Variants in TRAPPC13 observed in about 807,000 individuals in gnomAD.
TRAPPC13 encodes the protein REV7-interacting novel NHEJ regulator 1.
TRAPPC13 carries 39 observed loss-of-function variants against 54.0 expected under a neutral mutation model. That is an observed-to-expected ratio of 0.72 (90% CI 0.56 to 0.94). TRAPPC13 has a LOEUF of 0.94. TRAPPC13 is among the 40% of genes least tolerant of loss of function. The pLI is 0.00. For missense variants in TRAPPC13, 386 were observed against 488.1 expected (o/e 0.79, Z 1.97); for synonymous variants, 148 against 167.7 (o/e 0.88, Z 0.91).
At chr5:65,644,513 G>A (rs1199155847) in intron 4 of TRAPPC13, among the ~76,000 whole-genome samples, 1 of 152,210 alleles carries the variant, frequency 6.6e-6, no homozygotes, top group East Asian at 1.9e-4. Context: ...TGACACATAG[G>A]ACACACAGGA....
rs1015993218 is a variant in TRAPPC13, at chr5:65,650,792, G to A, written c.429-18G>A. The A allele has an allele frequency of 6.2e-7, 1 of 1,605,082 alleles. No homozygotes were observed. The highest frequency in any genetic ancestry group is 8.5e-7 in the Non-Finnish European group (1 of 1,173,746). On this transcript the variant is annotated intron_variant, in intron 5 of 12. Coordinates refer to ENST00000399438, the MANE Select transcript of TRAPPC13 (RefSeq NM_024941.4). ...ATTAAAAATGACTCAGAATCGTTAA[G>A]ACATCTTTCTGTTTCAGCTTGGTAT...
Position 65,666,008 on chromosome 5 carries a change from C to G in TRAPPC13, c.*1397C>G, listed in dbSNP as rs548758469. The G allele has an allele frequency of 6.6e-6, 1 of 152,516 alleles. No homozygotes were observed. The highest frequency in any genetic ancestry group is 6.5e-5 in the Admixed American group (1 of 15,278). The allele number at this position is 152,516 out of a possible 1,614,324, so 9.4% of individuals were successfully genotyped here. ...GAAAGCTATATTCAGAAGGTTTGCA[C>G]CTCAAAATTGAGTAATAATTAATGA... On this transcript the variant is annotated 3_prime_UTR_variant, in exon 13 of 13. Transcript: ENST00000399438.
chr5:65,660,784 G>T lies in TRAPPC13; in HGVS notation c.784G>T (p.Ala262Ser), dbSNP rs767428669. The T allele has an allele frequency of 1.7e-5, 28 of 1,613,674 alleles. No homozygotes were observed. Among genetic ancestry groups the T allele is most frequent in the Non-Finnish European group, 2.2e-5 (26 of 1,179,728 alleles). ...CTGCCTAAAGCCAAAGAATGAATTT[G>T]CAGAAAAAGCAGGCATCATTAAGGG... ...LYCLKPKNEF[A>S]EKAGIIKGVT... Residue 262 changes from alanine (A) to serine (S), a missense_variant, in exon 10 of 13, where the codon GCA (alanine) becomes TCA (serine). Transcript: ENST00000399438.
At position 65,664,670 on chromosome 5, in the gene TRAPPC13, C is replaced by A; in HGVS notation, c.*59C>A. On this transcript the variant is annotated 3_prime_UTR_variant, in exon 13 of 13. Transcript: ENST00000399438. ...TTCACAGAACTGCTCTTTTTGTTAC[C>A]TTTGTAAAATGATGACGTCAACAAC... The A allele has an allele frequency of 7.9e-7, 1 of 1,271,648 alleles. No homozygotes were observed. Among genetic ancestry groups the A allele is most frequent in the Non-Finnish European group, 1.1e-6 (1 of 894,704 alleles). The allele number at this position is 1,271,648 out of a possible 1,614,324, so 78.8% of individuals were successfully genotyped here.
chr5:65,660,705 T>C lies in TRAPPC13; in HGVS notation c.705T>C (p.Ser235=), dbSNP rs1561778009. 1 of 1,604,952 alleles carries C rather than the reference T, an allele frequency of 6.2e-7. No homozygotes were observed. The highest frequency in any genetic ancestry group is 2.2e-5 in the East Asian group (1 of 44,582). The change falls in exon 10 of 13, where the codon TCT becomes TCC. Residue 235 remains serine (S), a synonymous_variant. Transcript: ENST00000399438. ...CTGTCTCCACCCCTCTCAGTGTGTC[T>C]ACGTTTGGGTCAAGAGCATATTTGC... ...NSVSQAGECV[S]TFGSRAYLQP...
At chr5:65,635,259 C>G in intron 1 of TRAPPC13, 42 bp from the exon 2 acceptor site, 1 of 1,491,806 alleles carries the variant, frequency 6.7e-7, no homozygotes. Context: ...TAACCCTAAG[C>G]AGTATTAATG....
In TRAPPC13 at chr5:65,630,124, A is replaced by G. The variant is rs1356659082; in HGVS notation, c.46+5018A>G. 5.9e-6 allele frequency: 9 copies of G among 1,535,972 alleles called. 1 individual carries two copies. Among genetic ancestry groups the G allele is most frequent in the Middle Eastern group, 3.3e-4 (2 of 6,010 alleles). ...TAGAACACACTATTTGTAACAGCCA[A>G]ACTCTGGAAGACATTTGGACAAAAC... On this transcript the variant is annotated intron_variant, in intron 1 of 12. Transcript: ENST00000399438.
At position 65,666,164 on chromosome 5, in the gene TRAPPC13, T is replaced by A. The variant is rs986615578; in HGVS notation, c.*1553T>A. The A allele has an allele frequency of 1.3e-5, 2 of 152,586 alleles. No homozygotes were observed. The highest frequency in any genetic ancestry group is 2.9e-5 in the Non-Finnish European group (2 of 67,996). The allele number at this position is 152,586 out of a possible 1,614,324, so 9.5% of individuals were successfully genotyped here. On this transcript the variant is annotated 3_prime_UTR_variant, in exon 13 of 13. Transcript: ENST00000399438. Reference sequence around the variant, plus strand: ...GGATACTTGGATTGTTTTTCAAGCATCTTCTTATGACTAAATCTTCTGTTT... The same window carrying A: ...GGATACTTGGATTGTTTTTCAAGCAACTTCTTATGACTAAATCTTCTGTTT...
At chr5:65,661,229 A>G (rs1003014946) in intron 10 of TRAPPC13, 4 of 174,518 alleles carry the variant, frequency 2.3e-5, no homozygotes, top group African/African-American at 4.8e-5. Flanking sequence ...CTATTTTGCA[A>G]TGTCCTGAAA....
chr5:65,625,355 T>C (rs1206505514), intron 1 of TRAPPC13: 2 of 424,342 alleles, frequency 4.7e-6, no homozygotes, highest in African/African-American at 2.0e-5. Flanking sequence ...CACGAGATTT[T>C]AGCCGCAGAA....
chr5:65,636,144 C>CTTTT (rs5868412), intron 3 of TRAPPC13, 101 bp downstream of exon 3: 46 of 507,204 alleles, frequency 9.1e-5, no homozygotes, highest in South Asian at 1.4e-4. Flanking sequence ...ATACATTTAC[C>CTTTT]TTTTTTTTTT....
chr5:65,650,748 T>TA, intron 5 of TRAPPC13, 62 bp from the exon 6 acceptor site: 5 of 1,316,376 alleles, frequency 3.8e-6, no homozygotes, highest in Non-Finnish European at 5.4e-6. Flanking sequence ...AATTGAGGTG[T>TA]GTTTGATTTA....
chr5:65,645,060 TG>T (rs1017111766), intron 4 of TRAPPC13, among the ~76,000 whole-genome samples: 29 of 151,704 alleles, frequency 1.9e-4, no homozygotes, highest in African/African-American at 7.0e-4. Flanking sequence ...TAGCTAGATG[TG>T]GTGACGGGCG....
intron 4 of TRAPPC13, among the ~76,000 whole-genome samples, chr5:65,643,283 A>T (rs1305538323): frequency 6.6e-6 from 1 of 151,528 alleles, no homozygotes; most frequent in Non-Finnish European, 1.5e-5. Flanking sequence ...CCCAATATTG[A>T]TTTTTTATGA....
intron 1 of TRAPPC13, chr5:65,630,342 G>T: frequency 6.7e-7 from 1 of 1,485,852 alleles, no homozygotes. Context: ...AGTATGTAAT[G>T]AATTCCACTG....
chr5:65,655,664 T>G lies in TRAPPC13; in HGVS notation c.564+11T>G. On this transcript the variant is annotated intron_variant, in intron 8 of 12. Coordinates refer to ENST00000399438, the MANE Select transcript of TRAPPC13 (RefSeq NM_024941.4). The stretch of plus-strand genomic sequence containing the variant: ...GACCTCAGTTCTGTGGTAATTTGAT[T>G]TTTTATTATAAATTTTTATACTTTT... 1.2e-6 allele frequency: 1 copy of G among 846,232 alleles called. No individual in the cohort carries two copies. The highest frequency in any genetic ancestry group is 1.6e-6 in the Non-Finnish European group (1 of 608,542). The allele number at this position is 846,232 out of a possible 1,614,324, so 52.4% of individuals were successfully genotyped here.
At chr5:65,634,107 T>G (rs1755655372) in intron 1 of TRAPPC13, among the ~76,000 whole-genome samples, 1 of 148,974 alleles carries the variant, frequency 6.7e-6, no homozygotes, top group Admixed American at 6.8e-5. Context: ...TGCCTCAGCC[T>G]GCCGAGTAAC....
At chr5:65,643,326 G>T (rs1756041173) in intron 4 of TRAPPC13, among the ~76,000 whole-genome samples, 1 of 151,804 alleles carries the variant, frequency 6.6e-6, no homozygotes, top group Non-Finnish European at 1.5e-5. Flanking sequence ...GAATGTATAT[G>T]TTTTATTATT....
intron 1 of TRAPPC13, among the ~76,000 whole-genome samples, chr5:65,628,678 G>A (rs1311378075): frequency 6.6e-6 from 1 of 151,818 alleles, no homozygotes; most frequent in Non-Finnish European, 1.5e-5. Flanking sequence ...CACCATGTTG[G>A]CCAGGCTGGT....
Sources: allele counts gnomAD v4.1 joint callset (sites outside exome capture counted in the v4.1 genomes callset), GRCh38; gene constraint gnomAD v4.1.1; transcripts MANE v1.5; gene names NCBI Gene and HGNC (gene_info 2026-07-23, HGNC 2026-07-21).